CNTRL: variants seen among roughly 807,000 people sequenced by gnomAD.
CNTRL encodes 110 kDa centrosomal protein.
In CNTRL, 233 loss-of-function variants were observed where a neutral mutation model predicts 303.7. That is an observed-to-expected ratio of 0.77 (90% CI 0.69 to 0.86). The LOEUF is 0.86. Ranked by LOEUF, CNTRL falls within the 40% of genes least tolerant of loss-of-function variation. The pLI, the probability that CNTRL is intolerant of heterozygous loss-of-function variation, is 0.00. For missense variants in CNTRL, 2,524 were observed against 2,650.6 expected, an observed-to-expected ratio of 0.95 and a Z score of 1.05; for synonymous variants, 900 against 922.2, an observed-to-expected ratio of 0.98 and a Z score of 0.44.
chr9:121,123,599 A>T (rs1000745739), intron 12 of CNTRL, among the ~76,000 whole-genome samples: 4 of 151,918 alleles, frequency 2.6e-5, no homozygotes, highest in African/African-American at 7.3e-5. Flanking sequence ...ACTCCATCTC[A>T]AAATAAATAA....
chr9:121,104,541 A>G (rs2049359257), intron 7 of CNTRL, among the ~76,000 whole-genome samples: 1 of 151,562 alleles, frequency 6.6e-6, no homozygotes. Flanking sequence ...AAAAGTAAAA[A>G]TAAATAAAAC....
At chr9:121,128,556 A>T (rs904678824) in intron 14 of CNTRL, among the ~76,000 whole-genome samples, 4 of 152,024 alleles carry the variant, frequency 2.6e-5, no homozygotes, top group African/African-American at 9.7e-5. Context: ...TTGTCAGATG[A>T]GCAGATTGCA....
At chr9:121,134,293 A>T (rs67677402) in intron 14 of CNTRL, among the ~76,000 whole-genome samples, 12,122 of 67,610 alleles carry the variant, frequency 0.18, 661 homozygotes, top group South Asian at 0.36. Context: ...TATCATTATT[A>T]TTTTTTTTTT....
chr9:121,097,330 G>C (rs1227813300), intron 6 of CNTRL, among the ~76,000 whole-genome samples: 1 of 152,070 alleles, frequency 6.6e-6, no homozygotes, highest in African/African-American at 2.4e-5. Context: ...CATGACCTTG[G>C]AGAATTCTTT....
intron 31 of CNTRL, 84 bp downstream of exon 31, chr9:121,159,103 A>C: frequency 7.5e-7 from 1 of 1,331,886 alleles, no homozygotes. Flanking sequence ...CTTCTCCCCA[A>C]ATGAAAATAT....
chr9:121,088,196 C>A, intron 2 of CNTRL, 100 bp from the exon 3 acceptor site: 1 of 636,536 alleles, frequency 1.6e-6, no homozygotes, highest in Non-Finnish European at 2.7e-6. Flanking sequence ...GCATTTATGG[C>A]CTCTGAGTTT....
intron 40 of CNTRL, 114 bp downstream of exon 40, chr9:121,171,662 A>C: frequency 9.2e-7 from 1 of 1,085,460 alleles, no homozygotes; most frequent in Non-Finnish European, 1.2e-6. Flanking sequence ...AGCTGATTAT[A>C]AGAATGTTCT....
intron 14 of CNTRL, among the ~76,000 whole-genome samples, chr9:121,132,511 T>C (rs2050926269): frequency 6.6e-6 from 1 of 152,220 alleles, no homozygotes; most frequent in Non-Finnish European, 1.5e-5. Context: ...TCTACACTCT[T>C]TATTCTAATT....
chr9:121,142,960 T>G (rs2051605403), intron 19 of CNTRL, among the ~76,000 whole-genome samples: 1 of 152,210 alleles, frequency 6.6e-6, no homozygotes, highest in African/African-American at 2.4e-5. Flanking sequence ...CCTTTTCTAC[T>G]GTTTTATTTC....
chr9:121,141,958 T>C (rs1340628533), intron 18 of CNTRL, 133 bp from the exon 19 acceptor site: 48 of 699,872 alleles, frequency 6.9e-5, no homozygotes, highest in Non-Finnish European at 1.1e-4. Context: ...GATAAAACCA[T>C]TCCTGACAAC....
At chr9:121,101,673 A>G (rs777597385) in intron 7 of CNTRL, among the ~76,000 whole-genome samples, 57 of 152,326 alleles carry the variant, frequency 3.7e-4, no homozygotes, top group Middle Eastern at 3.4e-3. Context: ...CAAAGAAGAA[A>G]AGAGAGAAGA....
At chr9:121,148,952 C>A (rs2052041575) in intron 24 of CNTRL, 91 bp downstream of exon 24, 20 of 1,178,194 alleles carry the variant, frequency 1.7e-5, no homozygotes, top group Non-Finnish European at 2.3e-5. Context: ...ACAATCCAGA[C>A]TCCTTAGCTA....
chr9:121,155,936 A>G (rs1233509501), intron 27 of CNTRL, among the ~76,000 whole-genome samples: 1 of 152,206 alleles, frequency 6.6e-6, no homozygotes, highest in Non-Finnish European at 1.5e-5. Flanking sequence ...ATCTATTTAA[A>G]TTAAAAGCAG....
chr9:121,100,157 G>A (rs1320969737), intron 7 of CNTRL, among the ~76,000 whole-genome samples: 10 of 152,236 alleles, frequency 6.6e-5, no homozygotes, highest in Admixed American at 4.6e-4. Context: ...GGCAGGCAGA[G>A]AGAAAGGTCG....
chr9:121,113,477 C>T, intron 9 of CNTRL, 25 bp from the exon 10 acceptor site: 1 of 1,343,336 alleles, frequency 7.4e-7, no homozygotes, highest in Non-Finnish European at 1.0e-6. Flanking sequence ...CTTATTAAAC[C>T]ATAAATCTAT....
Position 121,096,521 on chromosome 9 carries a change from A to C in CNTRL, c.579A>C (p.Lys193Asn). ...CAGTATGGTTAGGGAAGAAGTTAAA[A>C]TCTTTGCGAGTCCTCAATTTGAAAG... is the stretch of plus-strand genomic sequence containing the variant. Reference protein sequence around the residue: ...HIPVWLGKKLKSLRVLNLKGN... With the variant: ...HIPVWLGKKLNSLRVLNLKGN... The change falls in exon 6 of 44, where the codon AAA becomes AAC. Residue 193 changes from lysine to asparagine, a missense_variant. Transcript: ENST00000373855. 2.0e-6 allele frequency: 3 copies of C among 1,517,718 alleles called. No homozygotes were observed. The highest frequency in any genetic ancestry group is 2.7e-6 in the Non-Finnish European group (3 of 1,124,246). The allele number at this position is 1,517,718 out of a possible 1,614,324, so 94.0% of individuals were successfully genotyped here. A position where few individuals can be genotyped will look rare whatever the true frequency, so the allele number is the denominator to read the frequency against.
In CNTRL at chr9:121,175,334, A is replaced by G. The variant is rs1425403883; in HGVS notation, c.6954+110A>G. ...CAGGCTGGAGTGCATTGGTACCATC[A>G]CAGCTCACTGCAGCCTTGACCTCCC... On this transcript the variant is annotated intron_variant, in intron 43 of 43. Transcript: ENST00000373855. 2.0e-5 allele frequency: 18 copies of G among 914,200 alleles called. No homozygotes were observed. The Admixed American group carries it at 3.4e-4, about 17-fold the overall frequency. 56.6% of individuals were successfully genotyped at this position (914,200 alleles called of 1,614,324 possible). A position where few individuals can be genotyped will look rare whatever the true frequency, so the allele number is the denominator to read the frequency against.
At chr9:121,133,960 T>A (rs976025219) in intron 14 of CNTRL, among the ~76,000 whole-genome samples, 4 of 152,330 alleles carry the variant, frequency 2.6e-5, no homozygotes, top group South Asian at 4.1e-4. Context: ...AATTCAGTAT[T>A]TTATCAGACT....
Position 121,140,782 on chromosome 9 carries a change from A to T in CNTRL, c.2479A>T (p.Met827Leu), listed in dbSNP as rs2051464079. Reference sequence around the variant, plus strand: ...AAAACTGAAATTAGGAACTGGGGAAATGAAGTAAGGAAAAAGCAAGACCTC... The same window carrying T: ...AAAACTGAAATTAGGAACTGGGGAATTGAAGTAAGGAAAAAGCAAGACCTC... ...RRKLKLGTGE[M>L]NIHSPSDVLG... The change falls in exon 17 of 44, where the codon ATG (methionine) becomes TTG (leucine). Residue 827 changes from methionine to leucine, a missense_variant. By Grantham distance (15) the Met-to-Leu change is conservative. Transcript: ENST00000373855. 2 of 1,611,362 alleles carry T rather than the reference A, an allele frequency of 1.2e-6. No individual in the cohort carries two copies. Among genetic ancestry groups the T allele is most frequent in the Non-Finnish European group, 1.7e-6 (2 of 1,178,178 alleles).
Sources: gnomAD v4.1 joint callset for allele counts (sites outside exome capture counted in the v4.1 genomes callset) on GRCh38, gnomAD v4.1.1 for gene constraint, MANE v1.5 for transcripts, NCBI Gene and HGNC (gene_info 2026-07-23, HGNC 2026-07-21) for gene names.